FGF12: variants seen among roughly 807,000 people sequenced by gnomAD.
The protein encoded by FGF12 is fibroblast growth factor 12B.
FGF12 carries 14 observed loss-of-function variants against 23.6 expected under a neutral mutation model. That is an observed-to-expected ratio of 0.59 (90% CI 0.39 to 0.93). FGF12 has a LOEUF of 0.93. FGF12 is among the 40% of genes least tolerant of loss of function. The pLI is 0.00. For synonymous variants in FGF12, 62 were observed against 77.3 expected (o/e 0.80, Z 1.04); for missense variants, 175 against 217.8 (o/e 0.80, Z 1.24).
At chr3:192,686,492 G>A (rs900057329) in intron 2 of FGF12, among the ~76,000 whole-genome samples, 4 of 151,990 alleles carry the variant, frequency 2.6e-5, no homozygotes, top group African/African-American at 9.7e-5. Context: ...CTCATGCCCC[G>A]GTTGTTCTGA....
intron 2 of FGF12, among the ~76,000 whole-genome samples, chr3:192,498,913 A>AT (rs1212656128): frequency 1.3e-5 from 2 of 152,238 alleles, no homozygotes; most frequent in African/African-American, 4.8e-5. Context: ...AAACAGCATC[A>AT]TAACAGAATA....
chr3:192,315,169 T>G (rs1032197590), intron 4 of FGF12, among the ~76,000 whole-genome samples: 3 of 152,238 alleles, frequency 2.0e-5, no homozygotes, highest in African/African-American at 7.2e-5. Flanking sequence ...CAGCAGACTG[T>G]GGGCTTGTGG....
chr3:192,363,249 AAAAG>A (rs1718819109), intron 2 of FGF12, among the ~76,000 whole-genome samples: 1 of 152,142 alleles, frequency 6.6e-6, no homozygotes, highest in African/African-American at 2.4e-5. Flanking sequence ...TAAAAAAAAA[AAAAG>A]AAGTCATGTT....
At chr3:192,633,213 T>A (rs1008736793) in intron 2 of FGF12, among the ~76,000 whole-genome samples, 1 of 151,980 alleles carries the variant, frequency 6.6e-6, no homozygotes, top group Admixed American at 6.6e-5. Flanking sequence ...GCCCAGCTAG[T>A]TTTTGTATTT....
chr3:192,360,360 T>C lies in FGF12; in HGVS notation c.124+68A>G. On this transcript the variant is annotated intron_variant, in intron 3 of 5. Transcript: ENST00000445105. The surrounding 1 kb of genome is among the most constrained non-coding windows in gnomAD (Gnocchi z 4.3). Reference sequence around the variant, plus strand: ...TTGGTAAGGCAGCTTAGCAATGCTTTAAGTATAAGATACACTGGGCCCTAC... The same window carrying C: ...TTGGTAAGGCAGCTTAGCAATGCTTCAAGTATAAGATACACTGGGCCCTAC... 9.1e-7 allele frequency: 1 copy of C among 1,094,320 alleles called. No individual in the cohort carries two copies. The highest frequency in any genetic ancestry group is 2.4e-5 in the East Asian group (1 of 42,106). 67.8% of individuals were successfully genotyped at this position (1,094,320 alleles called of 1,614,324 possible). A position where few individuals can be genotyped will look rare whatever the true frequency, so the allele number is the denominator to read the frequency against.
chr3:192,705,129 T>TTCAATAA (rs1242450547), intron 2 of FGF12, among the ~76,000 whole-genome samples: 2 of 152,222 alleles, frequency 1.3e-5, no homozygotes, highest in Non-Finnish European at 2.9e-5. Context: ...TTCAATTTCT[T>TTCAATAA]TCAATAATTT....
At position 192,144,989 on chromosome 3, in the gene FGF12, T is replaced by G. The variant is rs542567892; in HGVS notation, c.428-862A>C. Among the ~76,000 whole-genome samples, 12 of 152,318 alleles carry G rather than the reference T, an allele frequency of 7.9e-5. 2 individuals carry two copies. In the South Asian group the frequency reaches 2.1e-3, roughly 26 times the overall value. On this transcript the variant is annotated intron_variant, in intron 5 of 5. Coordinates refer to ENST00000445105, the MANE Select transcript of FGF12 (RefSeq NM_004113.6). Reference sequence around the variant, plus strand: ...ATCAGGAGTTACTTTTATCCTCGGCTTAGGAACAAACAGGTATCTCCACCT... The same window carrying G: ...ATCAGGAGTTACTTTTATCCTCGGCGTAGGAACAAACAGGTATCTCCACCT...
intron 3 of FGF12, among the ~76,000 whole-genome samples, chr3:192,351,489 G>GC (rs1188499740): frequency 1.3e-5 from 2 of 152,142 alleles, no homozygotes; most frequent in Admixed American, 1.3e-4. Flanking sequence ...AACAAACATT[G>GC]AGTGAAAGCC....
chr3:192,689,793 C>T (rs772812446), intron 2 of FGF12, among the ~76,000 whole-genome samples: 12 of 151,656 alleles, frequency 7.9e-5, no homozygotes, highest in Non-Finnish European at 1.6e-4. Context: ...AAGAAATGAA[C>T]ATGCAGGTAC....
At chr3:192,563,529 T>C (rs775564825) in intron 2 of FGF12, among the ~76,000 whole-genome samples, 30 of 152,098 alleles carry the variant, frequency 2.0e-4, no homozygotes, top group Non-Finnish European at 2.8e-4. Context: ...AGGAAAAAAA[T>C]CAAGCTAAAT....
At chr3:192,642,024 T>A (rs764813924) in intron 2 of FGF12, among the ~76,000 whole-genome samples, 1 of 152,244 alleles carries the variant, frequency 6.6e-6, no homozygotes, top group Non-Finnish European at 1.5e-5. Context: ...CTTTTGTTTA[T>A]AAATTAGACA....
At chr3:192,660,978 G>T (rs571201826) in intron 2 of FGF12, among the ~76,000 whole-genome samples, 2 of 96,848 alleles carry the variant, frequency 2.1e-5, no homozygotes, top group Non-Finnish European at 4.5e-5. Flanking sequence ...GAAAACCCTA[G>T]TTCTTTAAAA....
At chr3:192,246,319 T>A (rs940707066) in intron 4 of FGF12, among the ~76,000 whole-genome samples, 1 of 152,186 alleles carries the variant, frequency 6.6e-6, no homozygotes, top group Non-Finnish European at 1.5e-5. Context: ...AAGAAATTAA[T>A]CTTTAACATA....
chr3:192,379,498 A>C (rs1359901139), intron 2 of FGF12, among the ~76,000 whole-genome samples: 7 of 152,010 alleles, frequency 4.6e-5, no homozygotes, highest in Admixed American at 1.3e-4. Flanking sequence ...TAAAAGGAAA[A>C]AAATATATAA....
chr3:192,378,824 TG>T (rs971644388), intron 2 of FGF12, among the ~76,000 whole-genome samples: 2 of 152,076 alleles, frequency 1.3e-5, no homozygotes. Context: ...ACTCATGGAT[TG>T]GGGGGCTGTT....
intron 2 of FGF12, among the ~76,000 whole-genome samples, chr3:192,626,112 C>A (rs1227468825): frequency 6.6e-6 from 1 of 152,124 alleles, no homozygotes; most frequent in East Asian, 1.9e-4. Flanking sequence ...ATTTTTAACA[C>A]AAATTAAATG....
At chr3:192,566,232 A>G (rs1309617058) in intron 2 of FGF12, among the ~76,000 whole-genome samples, 1 of 152,228 alleles carries the variant, frequency 6.6e-6, no homozygotes, top group African/African-American at 2.4e-5. Flanking sequence ...AAATTGAGGG[A>G]TCTCAGTTTC....
chr3:192,554,717 C>A, intron 2 of FGF12, among the ~76,000 whole-genome samples: 1 of 147,310 alleles, frequency 6.8e-6, no homozygotes, highest in Non-Finnish European at 1.5e-5. Context: ...AAACTGAACC[C>A]AAAGAAACAA....
rs1055966475 is a variant in FGF12, at chr3:192,155,194, C to T, written c.428-11067G>A. ...GGCTCGCGCACGGTGCGCGCACCCA[C>T]TGACCTGCGCCCACTGTCTGGCACT... On this transcript the variant is annotated intron_variant, in intron 5 of 5. Coordinates refer to ENST00000445105, the MANE Select transcript of FGF12 (RefSeq NM_004113.6). Among the ~76,000 whole-genome samples the T allele has an allele frequency of 9.2e-5, 14 of 152,148 alleles. No homozygotes were observed. In the South Asian group the frequency reaches 2.7e-3, roughly 29 times the overall value.
Sources: allele counts gnomAD v4.1 joint callset (sites outside exome capture counted in the v4.1 genomes callset), GRCh38; gene constraint gnomAD v4.1.1; non-coding constraint Gnocchi (gnomAD v3.1); transcripts MANE v1.5; gene names NCBI Gene and HGNC (gene_info 2026-07-23, HGNC 2026-07-21).